The following TRMT11 variants were observed in gnomAD, a reference collection of about 807,000 sequenced individuals.
The protein encoded by TRMT11 is tRNA (guanine(10)-N(2))-methyltransferase TRMT11.
In TRMT11, 53 loss-of-function variants were observed where a neutral mutation model predicts 62.8. The observed-to-expected ratio is 0.84, with a 90% CI of 0.68 to 1.06. The LOEUF is 1.06. TRMT11 is among the 50% of genes least tolerant of loss of function. The pLI is 0.00. For missense variants in TRMT11, 556 were observed against 553.4 expected, an observed-to-expected ratio of 1.00 and a Z score of -0.05; for synonymous variants, 188 against 190.3, an observed-to-expected ratio of 0.99 and a Z score of 0.10.
chr6:126,230,737 A>G, the TRMT11 span, among the ~76,000 whole-genome samples: 1 of 152,100 alleles, frequency 6.6e-6, no homozygotes, highest in Non-Finnish European at 1.5e-5. Context: ...AAACCATAGG[A>G]ATGACTTTTA....
At chr6:126,107,352 G>A (rs1054609097) in intron 17 of TRMT11, among the ~76,000 whole-genome samples, 3 of 152,112 alleles carry the variant, frequency 2.0e-5, no homozygotes, top group Admixed American at 2.0e-4. Context: ...TGAAATACTC[G>A]AAAATCAAGC....
chr6:126,031,838 T>C (rs1296388095), intron 12 of TRMT11, among the ~76,000 whole-genome samples: 1 of 152,130 alleles, frequency 6.6e-6, no homozygotes, highest in Non-Finnish European at 1.5e-5. Flanking sequence ...CTAGCTTCAC[T>C]GTGTTAGTGA....
At chr6:126,134,958 C>T (rs1171071007) in intron 21 of TRMT11, among the ~76,000 whole-genome samples, 1 of 151,506 alleles carries the variant, frequency 6.6e-6, no homozygotes, top group Non-Finnish European at 1.5e-5. Flanking sequence ...AAAGACAGAA[C>T]ACAACACACC....
the TRMT11 span, among the ~76,000 whole-genome samples, chr6:126,223,557 G>T: frequency 6.6e-6 from 1 of 152,202 alleles, no homozygotes; most frequent in Non-Finnish European, 1.5e-5. Context: ...TCCCTTTGTA[G>T]GTGACCTGTC....
At chr6:126,008,575 G>A in intron 8 of TRMT11, 103 bp downstream of exon 8, 2 of 957,292 alleles carry the variant, frequency 2.1e-6, no homozygotes, top group Non-Finnish European at 3.4e-6. Flanking sequence ...AATTGCACAG[G>A]TCCACTTATA....
At chr6:126,060,709 TTTC>T (rs1776511345) in intron 17 of TRMT11, among the ~76,000 whole-genome samples, 1 of 152,180 alleles carries the variant, frequency 6.6e-6, no homozygotes, top group African/African-American at 2.4e-5. Flanking sequence ...AGTTTCAAAG[TTTC>T]TTCTTTTTTC....
At chr6:126,014,841 A>G (rs1461281933) in intron 11 of TRMT11, among the ~76,000 whole-genome samples, 2 of 152,068 alleles carry the variant, frequency 1.3e-5, no homozygotes, top group East Asian at 3.9e-4. Flanking sequence ...GAAATGACCT[A>G]TCTAAAGTTA....
intron 21 of TRMT11, among the ~76,000 whole-genome samples, chr6:126,133,376 T>G (rs1307595037): frequency 1.3e-5 from 2 of 152,034 alleles, no homozygotes; most frequent in African/African-American, 4.8e-5. Context: ...TACAAAAAAG[T>G]GAGCTCTAAA....
At chr6:126,243,692 C>A in the TRMT11 span, among the ~76,000 whole-genome samples, 14 of 152,226 alleles carry the variant, frequency 9.2e-5, no homozygotes, top group East Asian at 3.9e-4. Context: ...GGACAAAAAA[C>A]TAAACACCGC....
At chr6:126,266,287 GC>G in the TRMT11 span, among the ~76,000 whole-genome samples, 9 of 152,246 alleles carry the variant, frequency 5.9e-5, no homozygotes, top group African/African-American at 2.2e-4. Flanking sequence ...TACTTGGGGC[GC>G]TCAGAATGTG....
the TRMT11 span, among the ~76,000 whole-genome samples, chr6:126,210,999 G>A: frequency 1.9e-5 from 2 of 104,910 alleles, no homozygotes; most frequent in African/African-American, 7.8e-5. Context: ...TTTTTTTTTG[G>A]TAGCTAAGAT....
intron 17 of TRMT11, among the ~76,000 whole-genome samples, chr6:126,104,160 A>T (rs148398923): frequency 2.3e-3 from 344 of 152,326 alleles, no homozygotes; most frequent in Admixed American, 6.6e-3. Context: ...GCTTGTGGAG[A>T]TGGAGCCCAG....
At chr6:126,093,370 G>C (rs1777296915) in intron 17 of TRMT11, among the ~76,000 whole-genome samples, 1 of 151,190 alleles carries the variant, frequency 6.6e-6, no homozygotes, top group Non-Finnish European at 1.5e-5. Context: ...ATACTCTCCG[G>C]TTTCTACGTA....
chr6:126,219,190 T>C, the TRMT11 span, among the ~76,000 whole-genome samples: 2 of 152,168 alleles, frequency 1.3e-5, no homozygotes, highest in South Asian at 4.1e-4. Context: ...GATTTTTGGT[T>C]CCTATGAAAG....
Position 125,998,146 on chromosome 6 carries a change from A to G in TRMT11, c.294+12A>G. ...CTGTGGAGAAGATGGTGCGTAGTAA[A>G]ATGTGGTTTTATATAGGCATGCGTG... On this transcript the variant is annotated intron_variant, in intron 4 of 12. Coordinates refer to ENST00000334379, the MANE Select transcript of TRMT11 (RefSeq NM_001031712.3). 6.2e-7 allele frequency: 1 copy of G among 1,611,838 alleles called. No homozygotes were observed. Among genetic ancestry groups the G allele is most frequent in the Non-Finnish European group, 8.5e-7 (1 of 1,177,990 alleles).
At chr6:125,989,627 G>A (rs1034049888) in intron 1 of TRMT11, among the ~76,000 whole-genome samples, 1 of 152,158 alleles carries the variant, frequency 6.6e-6, no homozygotes, top group African/African-American at 2.4e-5. Flanking sequence ...TTAGACTGTG[G>A]TCTCCAGAAT....
intron 17 of TRMT11, among the ~76,000 whole-genome samples, chr6:126,065,854 TG>T (rs1776673959): frequency 6.6e-6 from 1 of 152,126 alleles, no homozygotes; most frequent in Non-Finnish European, 1.5e-5. Flanking sequence ...AGACTGAAGT[TG>T]TCCTTCACGT....
intron 11 of TRMT11, among the ~76,000 whole-genome samples, chr6:126,013,957 T>C (rs894560926): frequency 6.6e-6 from 1 of 152,190 alleles, no homozygotes; most frequent in Non-Finnish European, 1.5e-5. Context: ...TTAATATATA[T>C]TGGCTATTAT....
At chr6:126,027,095 C>T (rs1057331317) in intron 12 of TRMT11, among the ~76,000 whole-genome samples, 1 of 152,212 alleles carries the variant, frequency 6.6e-6, no homozygotes, top group African/African-American at 2.4e-5. Context: ...CATGAGCCAC[C>T]GCGCCCGGCC....
Sources: allele counts gnomAD v4.1 joint callset (sites outside exome capture counted in the v4.1 genomes callset), GRCh38; gene constraint gnomAD v4.1.1; transcripts MANE v1.5; gene names NCBI Gene and HGNC (gene_info 2026-07-23, HGNC 2026-07-21).